The following UGT1A9 variants were observed in gnomAD, a reference collection of about 807,000 sequenced individuals.
UGT1A9 encodes the protein UDP-glucuronosyltransferase 1A9.
In UGT1A9, 35 loss-of-function variants were observed where a neutral mutation model predicts 45.0. The ratio of observed to expected loss-of-function variants is 0.78; its 90% confidence interval spans 0.59 to 1.03. UGT1A9 has a LOEUF of 1.03. Among genes scored for constraint, UGT1A9 ranks in the 50% least tolerant of loss-of-function variants. The pLI is 0.00. For missense variants in UGT1A9, 687 were observed against 666.6 expected, an observed-to-expected ratio of 1.03 and a Z score of -0.34; for synonymous variants, 278 against 250.6, an observed-to-expected ratio of 1.11 and a Z score of -1.03.
intron 1 of UGT1A9, among the ~76,000 whole-genome samples, chr2:233,758,517 G>C (rs1696901755): frequency 6.6e-6 from 1 of 152,214 alleles, no homozygotes; most frequent in Non-Finnish European, 1.5e-5. Flanking sequence ...ACACAACAAA[G>C]AGTGAAAGCA....
At chr2:233,719,027 C>T in intron 1 of UGT1A9, 1 of 1,614,228 alleles carries the variant, frequency 6.2e-7, no homozygotes, top group Non-Finnish European at 8.5e-7. Flanking sequence ...ATATGCACAT[C>T]AAAGAAGAGA....
chr2:233,693,866 G>T (rs781082829), intron 1 of UGT1A9: 5 of 1,614,054 alleles, frequency 3.1e-6, no homozygotes, highest in Non-Finnish European at 4.2e-6. Flanking sequence ...CTTGTCTCAG[G>T]TTGGTGGGTT....
Position 233,747,767 on chromosome 2 carries a change from A to G in UGT1A9, c.856-19267A>G, listed in dbSNP as rs1240243146. 273 of 1,613,386 alleles carry G rather than the reference A, an allele frequency of 1.7e-4. 1 individual carries two copies. The South Asian group carries it at 2.9e-3, about 17-fold the overall frequency. On this transcript the variant is annotated intron_variant, in intron 1 of 4. Coordinates refer to ENST00000354728, the MANE Select transcript of UGT1A9 (RefSeq NM_021027.3). ...CATGTGATTTAGACTTTAAGGGCAC[A>G]CAGTGTCCAAATCCTTCCTCCTATA... is the stretch of plus-strand genomic sequence containing the variant.
chr2:233,768,154 C>G, intron 3 of UGT1A9, 66 bp from the exon 4 acceptor site: 1 of 1,612,760 alleles, frequency 6.2e-7, no homozygotes, highest in Non-Finnish European at 8.5e-7. Context: ...TTTTCAGAAC[C>G]TAGATGTGTC....
chr2:233,699,963 C>T (rs550263669), intron 1 of UGT1A9, among the ~76,000 whole-genome samples: 13 of 152,298 alleles, frequency 8.5e-5, no homozygotes, highest in African/African-American at 1.2e-4. Context: ...GAAAAATACC[C>T]GTCCCCCAAC....
chr2:233,731,938 C>T (rs1286643444), intron 1 of UGT1A9, among the ~76,000 whole-genome samples: 1 of 152,210 alleles, frequency 6.6e-6, no homozygotes, highest in African/African-American at 2.4e-5. Flanking sequence ...ACATCCTCTC[C>T]AACATCTGTT....
intron 1 of UGT1A9, among the ~76,000 whole-genome samples, chr2:233,694,343 T>A (rs1046388830): frequency 1.3e-5 from 2 of 152,038 alleles, no homozygotes; most frequent in Admixed American, 6.5e-5. Flanking sequence ...TGTTTTTATA[T>A]GGCCCAGAGC....
chr2:233,680,599 C>A (rs1049306148), intron 1 of UGT1A9, among the ~76,000 whole-genome samples: 2 of 152,164 alleles, frequency 1.3e-5, no homozygotes, highest in Admixed American at 6.5e-5. Flanking sequence ...CCATTAAAAT[C>A]TGCATGATGG....
intron 1 of UGT1A9, among the ~76,000 whole-genome samples, chr2:233,703,382 A>G (rs1384920463): frequency 6.6e-6 from 1 of 151,458 alleles, no homozygotes; most frequent in Non-Finnish European, 1.5e-5. Flanking sequence ...TTTTGTCTAT[A>G]TTTTCAAATA....
In UGT1A9 at chr2:233,672,423, C is replaced by A; in HGVS notation, c.489C>A (p.Leu163=). 6.2e-7 allele frequency: 1 copy of A among 1,613,994 alleles called. No individual in the cohort carries two copies. Among genetic ancestry groups the A allele is most frequent in the Non-Finnish European group, 8.5e-7 (1 of 1,179,904 alleles). Residue 163 remains leucine (L), a synonymous_variant, in exon 1 of 5, where the codon CTC becomes CTA. Coordinates refer to ENST00000354728, the MANE Select transcript of UGT1A9 (RefSeq NM_021027.3). ...TAATTGTTGCCAAATATTTCTCCCT[C>A]CCCTCCGTGGTCTTCGCCAGGGGAA... The part of the protein sequence containing the change: ...CGLIVAKYFS[L]PSVVFARGIL...
At chr2:233,701,688 A>T (rs1575472004) in intron 1 of UGT1A9, among the ~76,000 whole-genome samples, 1 of 152,212 alleles carries the variant, frequency 6.6e-6, no homozygotes, top group African/African-American at 2.4e-5. Context: ...GAATTAAGAA[A>T]ATCACTCAAA....
At chr2:233,767,292 T>C in intron 2 of UGT1A9, 127 bp downstream of exon 2, 1 of 1,553,044 alleles carries the variant, frequency 6.4e-7, no homozygotes, top group South Asian at 1.2e-5. Context: ...ACTTCCCAAC[T>C]ATTAATCCAA....
At chr2:233,695,911 C>T (rs1009465267) in intron 1 of UGT1A9, among the ~76,000 whole-genome samples, 8 of 151,952 alleles carry the variant, frequency 5.3e-5, no homozygotes, top group African/African-American at 1.9e-4. Flanking sequence ...GGTTTTTTTT[C>T]TCCACACACC....
At chr2:233,677,174 T>G (rs1003773517) in intron 1 of UGT1A9, among the ~76,000 whole-genome samples, 7 of 152,196 alleles carry the variant, frequency 4.6e-5, no homozygotes, top group Non-Finnish European at 8.8e-5. Context: ...TCCAATTCAT[T>G]AACATATCTT....
chr2:233,691,111 G>A (rs1254246135), intron 1 of UGT1A9: 1 of 985,788 alleles, frequency 1.0e-6, no homozygotes, highest in Non-Finnish European at 1.2e-6. Context: ...ATTCCTACAT[G>A]CTTGCTTAAG....
chr2:233,687,814 G>A (rs1432190294), intron 1 of UGT1A9, among the ~76,000 whole-genome samples: 3 of 152,106 alleles, frequency 2.0e-5, no homozygotes, highest in African/African-American at 4.8e-5. Context: ...GCTGAGGTGG[G>A]AGGATCTCCT....
At chr2:233,735,775 C>G (rs2363116) in intron 1 of UGT1A9, among the ~76,000 whole-genome samples, 81,728 of 152,006 alleles carry the variant, frequency 0.54, 23,611 homozygotes, top group African/African-American at 0.76. Context: ...ATGAAGCTTA[C>G]TTTGGCTGCA....
intron 1 of UGT1A9, among the ~76,000 whole-genome samples, chr2:233,765,881 T>G (rs1234531270): frequency 6.6e-6 from 1 of 152,054 alleles, no homozygotes; most frequent in Non-Finnish European, 1.5e-5. Flanking sequence ...GGGCTCACTT[T>G]CTCAGTGCGC....
intron 1 of UGT1A9, among the ~76,000 whole-genome samples, chr2:233,681,574 A>G (rs2074531016): frequency 6.6e-6 from 1 of 150,892 alleles, no homozygotes; most frequent in Non-Finnish European, 1.5e-5. Context: ...TTTCTTTGTG[A>G]CAAATTCCAA....
Sources: gnomAD v4.1 joint callset for allele counts (sites outside exome capture counted in the v4.1 genomes callset) on GRCh38, gnomAD v4.1.1 for gene constraint, MANE v1.5 for transcripts, NCBI Gene and HGNC (gene_info 2026-07-23, HGNC 2026-07-21) for gene names.